The following DZIP1 variants were observed in gnomAD, a reference collection of about 807,000 sequenced individuals.
DZIP1 encodes the protein cilium assembly protein DZIP1.
Under a neutral mutation model 107.6 loss-of-function variants are expected in DZIP1, and 97 were observed. The observed-to-expected ratio is 0.90, with a 90% CI of 0.77 to 1.07. The LOEUF (loss-of-function observed/expected upper bound fraction) is 1.07, where lower values mean the gene tolerates loss of function less well. DZIP1 is among the 50% of genes least tolerant of loss of function. DZIP1 has a pLI of 0.00. For synonymous variants in DZIP1, 390 were observed against 386.4 expected, an observed-to-expected ratio of 1.01 and a Z score of -0.11; for missense variants, 1,035 against 1,063.6, an observed-to-expected ratio of 0.97 and a Z score of 0.37.
At position 95,612,142 on chromosome 13, in the gene DZIP1, C is replaced by A; in HGVS notation, c.1209G>T (p.Met403Ile). Residue 403 changes from methionine (M) to isoleucine (I), a missense_variant, in exon 11 of 23, where the codon ATG becomes ATT. Physicochemically the swap from Met to Ile is conservative, Grantham distance 10 (BLOSUM62 1). Coordinates refer to ENST00000376829, the MANE Select transcript of DZIP1 (RefSeq NM_198968.4). ...CATTGCTTGCATTTAGATCATCTAT[C>A]ATTGAGGTTCGAAGTTTCTCTATAT... Reference protein sequence around the residue: ...LSHIEKLRTSMIDDLNASNVF... With the variant: ...LSHIEKLRTSIIDDLNASNVF... 1 of 1,612,866 alleles carries A rather than the reference C, an allele frequency of 6.2e-7. No homozygotes were observed. Among genetic ancestry groups the A allele is most frequent in the Middle Eastern group, 1.6e-4 (1 of 6,062 alleles).
Position 95,633,473 on chromosome 13 carries a change from A to G in DZIP1, c.598-152T>C, listed in dbSNP as rs981424587. 14 of 633,100 alleles carry G rather than the reference A, an allele frequency of 2.2e-5. No individual in the cohort carries two copies. The Admixed American group carries it at 3.7e-4, about 17-fold the overall frequency. The allele number at this position is 633,100 out of a possible 1,614,324, so 39.2% of individuals were successfully genotyped here. On this transcript the variant is annotated intron_variant, in intron 5 of 22. Transcript: ENST00000376829. ...CAAGGTAGGCAGATCACCCAAGGTTAGAAGTTTGAGACCAGCCTGGCCAAC... is the reference window on the plus strand; with the variant it reads ...CAAGGTAGGCAGATCACCCAAGGTTGGAAGTTTGAGACCAGCCTGGCCAAC...
intron 15 of DZIP1, 23 bp from the exon 16 acceptor site, chr13:95,594,109 T>C: frequency 6.4e-7 from 1 of 1,570,906 alleles, no homozygotes; most frequent in Non-Finnish European, 8.6e-7. Context: ...TTTAAAAATG[T>C]GTTAAAAAAA....
chr13:95,607,899 G>C (rs915021744), intron 13 of DZIP1, among the ~76,000 whole-genome samples: 9 of 152,172 alleles, frequency 5.9e-5, no homozygotes, highest in Non-Finnish European at 8.8e-5. Context: ...GACCATATCT[G>C]CTTTATATTA....
intron 14 of DZIP1, among the ~76,000 whole-genome samples, chr13:95,603,010 A>C (rs1359796922): frequency 1.3e-5 from 2 of 152,160 alleles, no homozygotes; most frequent in Admixed American, 6.5e-5. Flanking sequence ...CATAATAATA[A>C]TTGTAAAGTC....
rs748962382 is a variant in DZIP1 at position 95,612,088 on chromosome 13, T to C, written c.1263A>G (p.Leu421=). 3 of 1,613,882 alleles carry C rather than the reference T, an allele frequency of 1.9e-6. No individual in the cohort carries two copies. The Admixed American group carries it at 5.0e-5, about 27-fold the overall frequency. Reference sequence around the variant, plus strand: ...CATTCTGCTCCTGGAGTCTCTGCCCTAGCTCTTCTATCCTTTTCTTATAGA... The same window carrying C: ...CATTCTGCTCCTGGAGTCTCTGCCCCAGCTCTTCTATCCTTTTCTTATAGA... The part of the protein sequence containing the change: ...NVFYKKRIEE[L]GQRLQEQNEL... Residue 421 remains leucine, a synonymous_variant, in exon 11 of 23, where the codon CTA becomes CTG. Transcript: ENST00000376829.
rs938062059 is a variant in DZIP1, at chr13:95,599,419, C to T, written c.1483G>A (p.Ala495Thr). ...GGTTCCAGTATGTGCGACGAGAATG[C>T]CTGTTCTATTAACAAGGAAAAATAA... Reference protein sequence around the residue: ...KSSLPMVHEQAFSSHILEPIE... With the variant: ...KSSLPMVHEQTFSSHILEPIE... The change falls in exon 15 of 23, where the codon GCA (alanine) becomes ACA (threonine). Residue 495 changes from alanine (A) to threonine (T), a missense_variant. Physicochemically the swap from Ala to Thr is moderately conservative, Grantham distance 58 (BLOSUM62 0). Transcript: ENST00000376829. 3.1e-6 allele frequency: 5 copies of T among 1,613,168 alleles called. 1 individual carries two copies. The South Asian group carries it at 4.4e-5, about 14-fold the overall frequency.
chr13:95,639,998 ATTT>A (rs71682947), intron 5 of DZIP1, among the ~76,000 whole-genome samples: 2 of 142,948 alleles, frequency 1.4e-5, no homozygotes, highest in African/African-American at 2.6e-5. Flanking sequence ...ATTTTTATTT[ATTT>A]TTTTTTTTTT....
At chr13:95,633,678 CAAAA>C (rs567298033) in intron 5 of DZIP1, among the ~76,000 whole-genome samples, 2 of 71,176 alleles carry the variant, frequency 2.8e-5, no homozygotes, top group Admixed American at 1.5e-4. Context: ...GACTCCATCT[CAAAA>C]AAAAAAAAAA....
At chr13:95,582,434 T>C (rs2044033137) in intron 22 of DZIP1, 121 bp from the exon 23 acceptor site, 1 of 829,442 alleles carries the variant, frequency 1.2e-6, no homozygotes, top group South Asian at 1.6e-5. Context: ...AATCTGTTCA[T>C]GAATCCTCAT....
chr13:95,636,762 G>GT (rs1378103311), intron 5 of DZIP1, among the ~76,000 whole-genome samples: 1 of 152,264 alleles, frequency 6.6e-6, no homozygotes, highest in African/African-American at 2.4e-5. Context: ...TTTCCCAGAA[G>GT]TAGAGAAGCC....
In DZIP1 at chr13:95,629,991, T is replaced by C; in HGVS notation, c.808A>G (p.Lys270Glu). The C allele has an allele frequency of 1.2e-6, 2 of 1,601,112 alleles. No homozygotes were observed. Among genetic ancestry groups the C allele is most frequent in the Non-Finnish European group, 1.7e-6 (2 of 1,176,076 alleles). The change falls in exon 7 of 23, where the codon AAG (lysine) becomes GAG (glutamate). Residue 270 changes from lysine to glutamate, a missense_variant and splice_region_variant. Lys to Glu is a moderately conservative substitution (Grantham distance 56). Coordinates refer to ENST00000376829, the MANE Select transcript of DZIP1 (RefSeq NM_198968.4). ...AHHASAVRFS[K>E]EYEMQKTKEE... is the part of the protein sequence containing the mutation. ...TACCACAGAATTCTGCCTGGTACCT[T>C]GGAGAATCTGACTGCACTGGCATGG...
At position 95,612,064 on chromosome 13, in the gene DZIP1, A is replaced by T; in HGVS notation, c.1287T>A (p.Asn429Lys). 4 of 1,613,842 alleles carry T rather than the reference A, an allele frequency of 2.5e-6. No individual in the cohort carries two copies. Among genetic ancestry groups the T allele is most frequent in the African/African-American group, 1.3e-5 (1 of 75,042 alleles). ...EELGQRLQEQ[N>K]ELIITQRQQI... ...GCTGTCTCTGAGTTATAATCAGCTC[A>T]TTCTGCTCCTGGAGTCTCTGCCCTA... Residue 429 changes from asparagine (N) to lysine (K), a missense_variant, in exon 11 of 23, where the codon AAT becomes AAA. Physicochemically the swap from Asn to Lys is moderately conservative, Grantham distance 94. Transcript: ENST00000376829.
intron 14 of DZIP1, among the ~76,000 whole-genome samples, chr13:95,604,710 T>C (rs528463809): frequency 6.6e-6 from 1 of 152,176 alleles, no homozygotes; most frequent in South Asian, 2.1e-4. Context: ...CCTTGTGTGA[T>C]GTCATACAGA....
At chr13:95,622,502 C>T in intron 8 of DZIP1, 22 bp from the exon 9 acceptor site, 1 of 1,613,722 alleles carries the variant, frequency 6.2e-7, no homozygotes, top group Non-Finnish European at 8.5e-7. Context: ...AATTCAAGCT[C>T]AGTACTACAG....
intron 22 of DZIP1, 122 bp from the exon 23 acceptor site, chr13:95,582,435 G>A (rs1461605762): frequency 2.4e-6 from 2 of 827,710 alleles, no homozygotes; most frequent in Non-Finnish European, 3.9e-6. Flanking sequence ...ATCTGTTCAT[G>A]AATCCTCATC....
rs145552913 is a variant in DZIP1, at chr13:95,620,382, A to G, written c.1111-435T>C. On this transcript the variant is annotated intron_variant, in intron 9 of 22. Coordinates refer to ENST00000376829, the MANE Select transcript of DZIP1 (RefSeq NM_198968.4). ...ATTAAACCTCTTTTCTTTATAAATTACCCAGTCTTAGGTAATTCTTTACAG... is the reference window on the plus strand; with the variant it reads ...ATTAAACCTCTTTTCTTTATAAATTGCCCAGTCTTAGGTAATTCTTTACAG... 4.3e-3 allele frequency among the ~76,000 whole-genome samples: 650 copies of G among 152,284 alleles called. 6 individuals are homozygous for G. The highest frequency in any genetic ancestry group is 0.015 in the African/African-American group (624 of 41,548).
At chr13:95,628,209 A>AT (rs1876780433) in intron 7 of DZIP1, among the ~76,000 whole-genome samples, 1 of 152,044 alleles carries the variant, frequency 6.6e-6, no homozygotes, top group Non-Finnish European at 1.5e-5. Context: ...CACTTAGCTA[A>AT]TTTTTTAATT....
At chr13:95,595,151 C>G (rs115959749) in intron 15 of DZIP1, among the ~76,000 whole-genome samples, 1,561 of 152,278 alleles carry the variant, frequency 0.01, 28 homozygotes, top group African/African-American at 0.036. Flanking sequence ...CCAGGCCACC[C>G]GAGAGACTCT....
At chr13:95,612,016 C>G (rs761267655) in intron 11 of DZIP1, 21 bp downstream of exon 11, 7 of 1,610,370 alleles carry the variant, frequency 4.3e-6, no homozygotes, top group Non-Finnish European at 5.9e-6. Context: ...AAGCACGGTG[C>G]CACACTGCCG....
Sources: gnomAD v4.1 joint callset for allele counts (sites outside exome capture counted in the v4.1 genomes callset) on GRCh38, gnomAD v4.1.1 for gene constraint, MANE v1.5 for transcripts, NCBI Gene and HGNC (gene_info 2026-07-23, HGNC 2026-07-21) for gene names.